Variants in SIPA1L3 observed in about 807,000 individuals in gnomAD.
SIPA1L3 encodes the protein signal-induced proliferation-associated 1-like protein 3.
SIPA1L3 carries 59 observed loss-of-function variants against 150.1 expected under a neutral mutation model. That is an observed-to-expected ratio of 0.39 (90% CI 0.32 to 0.49). The LOEUF is 0.49. SIPA1L3 is among the 20% of genes least tolerant of loss of function. SIPA1L3 has a pLI of 0.86. For synonymous variants in SIPA1L3, 1,070 were observed against 1,077.6 expected (o/e 0.99, Z 0.14); for missense variants, 2,211 against 2,489.5 (o/e 0.89, Z 2.38).
intron 1 of SIPA1L3, among the ~76,000 whole-genome samples, chr19:38,007,457 AAAAAAAAAAG>A (rs1362726666): frequency 1.4e-5 from 2 of 139,766 alleles, no homozygotes; most frequent in Non-Finnish European, 3.1e-5. Flanking sequence ...GTCTCAAAAA[AAAAAAAAAAG>A]AAAGAAAAGA....
intron 4 of SIPA1L3, among the ~76,000 whole-genome samples, chr19:38,099,009 C>A (rs1223483685): frequency 6.6e-6 from 1 of 151,920 alleles, no homozygotes; most frequent in Non-Finnish European, 1.5e-5. Context: ...CCTACCCTCC[C>A]TCCTTTCTTT....
At chr19:37,968,962 G>A (rs1017541760) in intron 1 of SIPA1L3, among the ~76,000 whole-genome samples, 2 of 152,188 alleles carry the variant, frequency 1.3e-5, no homozygotes, top group Admixed American at 1.3e-4. Context: ...CCTGAAAGTG[G>A]GGATCATCTG....
chr19:38,013,115 C>A (rs833918), intron 1 of SIPA1L3, among the ~76,000 whole-genome samples: 3 of 152,082 alleles, frequency 2.0e-5, no homozygotes, highest in Admixed American at 6.5e-5. Flanking sequence ...TCTGAGCTCC[C>A]GTTGCCTCCT....
intron 1 of SIPA1L3, among the ~76,000 whole-genome samples, chr19:37,926,082 G>A (rs2046501190): frequency 6.6e-6 from 1 of 152,192 alleles, no homozygotes; most frequent in Non-Finnish European, 1.5e-5. Flanking sequence ...GCCTGACATT[G>A]TGCTTTCGTG....
intron 1 of SIPA1L3, among the ~76,000 whole-genome samples, chr19:37,932,956 G>T (rs1054468804): frequency 6.6e-6 from 1 of 151,788 alleles, no homozygotes; most frequent in Non-Finnish European, 1.5e-5. Flanking sequence ...GCAGACTTCT[G>T]TGCCGGGGCT....
At chr19:38,139,766 G>T (rs1422506342) in intron 10 of SIPA1L3, among the ~76,000 whole-genome samples, 1 of 152,164 alleles carries the variant, frequency 6.6e-6, no homozygotes, top group East Asian at 1.9e-4. Context: ...ACAGTTGTGG[G>T]GGCTGCAGGT....
chr19:38,055,277 G>A (rs535412931), intron 2 of SIPA1L3, among the ~76,000 whole-genome samples: 20 of 152,284 alleles, frequency 1.3e-4, no homozygotes, highest in African/African-American at 4.6e-4. Flanking sequence ...AGCTGGGGGC[G>A]GCGCCACTGT....
In SIPA1L3 at chr19:38,039,564, C is replaced by G. The variant is rs558754650; in HGVS notation, c.-311+10408C>G. On this transcript the variant is annotated intron_variant, in intron 2 of 21. Transcript: ENST00000222345. ...CAAAAATTAGCCTGACGTGGTGGCA[C>G]GCGCATGTAATCCCAGCTACTCAGG... Among the ~76,000 whole-genome samples, 3 of 151,826 alleles carry G rather than the reference C, an allele frequency of 2.0e-5. No homozygotes were observed. The East Asian group carries it at 5.9e-4, about 30-fold the overall frequency.
chr19:38,112,943 C>T (rs1479929702), intron 8 of SIPA1L3, among the ~76,000 whole-genome samples: 2 of 152,200 alleles, frequency 1.3e-5, no homozygotes, highest in African/African-American at 2.4e-5. Flanking sequence ...TGCAGTGGCT[C>T]ACGCTTGTAA....
chr19:38,030,335 G>A (rs1007582861), intron 2 of SIPA1L3, among the ~76,000 whole-genome samples: 3 of 151,982 alleles, frequency 2.0e-5, no homozygotes, highest in South Asian at 2.1e-4. Flanking sequence ...GCTGAGGCTC[G>A]AGGATCGATT....
In SIPA1L3 at chr19:38,110,252, A is replaced by G; in HGVS notation, c.2159A>G (p.Asn720Ser). Residue 720 changes from asparagine (N) to serine (S), a missense_variant, in exon 8 of 22, where the codon AAT becomes AGT. Physicochemically the swap from Asn to Ser is conservative, Grantham distance 46. Coordinates refer to ENST00000222345, the MANE Select transcript of SIPA1L3 (RefSeq NM_015073.3). ...CTGCTACGGAAGAGGCACATAGGAA[A>G]TGACATCGTGACGATCATCTTCCAG... ...QQLLRKRHIG[N>S]DIVTIIFQEP... 2 of 1,614,098 alleles carry G rather than the reference A, an allele frequency of 1.2e-6. No homozygotes were observed. The highest frequency in any genetic ancestry group is 1.7e-6 in the Non-Finnish European group (2 of 1,179,998).
At chr19:38,004,274 C>T (rs1270657274) in intron 1 of SIPA1L3, among the ~76,000 whole-genome samples, 6 of 152,176 alleles carry the variant, frequency 3.9e-5, no homozygotes, top group African/African-American at 1.4e-4. Context: ...AAAAAGTGGG[C>T]ATTTAACCAG....
At chr19:38,108,192 G>A (rs529162605) in intron 7 of SIPA1L3, among the ~76,000 whole-genome samples, 57 of 152,252 alleles carry the variant, frequency 3.7e-4, no homozygotes, top group African/African-American at 1.3e-3. Flanking sequence ...CAACCGGAGC[G>A]TGACAGGGCC....
intron 12 of SIPA1L3, among the ~76,000 whole-genome samples, chr19:38,143,592 G>T (rs1305155818): frequency 5.2e-5 from 7 of 135,344 alleles, no homozygotes; most frequent in Admixed American, 3.3e-4. Context: ...AGACTGGAGT[G>T]CAGTGGCGCA....
chr19:38,075,598 G>T (rs992605975), intron 2 of SIPA1L3, among the ~76,000 whole-genome samples: 10 of 150,172 alleles, frequency 6.7e-5, no homozygotes, highest in Non-Finnish European at 1.0e-4. Context: ...TTGCCAACAT[G>T]GTAAAACCCT....
chr19:38,057,360 A>G (rs750870764), intron 2 of SIPA1L3, among the ~76,000 whole-genome samples: 5 of 151,286 alleles, frequency 3.3e-5, no homozygotes, highest in African/African-American at 4.9e-5. Context: ...ACGTATATAT[A>G]TGTATATATA....
chr19:37,920,962 C>G (rs1385334055), intron 1 of SIPA1L3, among the ~76,000 whole-genome samples: 1 of 152,180 alleles, frequency 6.6e-6, no homozygotes, highest in Admixed American at 6.6e-5. Flanking sequence ...CTTGTTTCAA[C>G]AAAAAGCCTC....
rs138541959 is a variant in SIPA1L3 at position 37,944,285 on chromosome 19, A to T, written c.-379+36927A>T. On this transcript the variant is annotated intron_variant, in intron 1 of 21. Coordinates refer to ENST00000222345, the MANE Select transcript of SIPA1L3 (RefSeq NM_015073.3). ...AGAGTGAGACTCCGTCTCAAAAAAAAAAAAAAAGCATGAAGATCTGCTTCA... is the reference window on the plus strand; with the variant it reads ...AGAGTGAGACTCCGTCTCAAAAAAATAAAAAAAGCATGAAGATCTGCTTCA... 2.5e-3 allele frequency among the ~76,000 whole-genome samples: 382 copies of T among 152,086 alleles called. 5 individuals carry two copies. The East Asian group carries it at 0.038, about 15-fold the overall frequency.
At chr19:38,038,651 C>A (rs1033089692) in intron 2 of SIPA1L3, among the ~76,000 whole-genome samples, 1 of 151,158 alleles carries the variant, frequency 6.6e-6, no homozygotes, top group African/African-American at 2.4e-5. Context: ...GGAAAGAAAC[C>A]CGCTTCTTTG....
Sources: gnomAD v4.1 joint callset for allele counts (sites outside exome capture counted in the v4.1 genomes callset) on GRCh38, gnomAD v4.1.1 for gene constraint, MANE v1.5 for transcripts, NCBI Gene and HGNC (gene_info 2026-07-23, HGNC 2026-07-21) for gene names.